MON1A: variants seen among roughly 807,000 people sequenced by gnomAD.
MON1A encodes MON1 vesicular trafficking associated A.
MON1A carries 29 observed loss-of-function variants against 44.6 expected under a neutral mutation model. The ratio of observed to expected loss-of-function variants is 0.65; its 90% confidence interval spans 0.48 to 0.89. The LOEUF is 0.89. Ranked by LOEUF, MON1A falls within the 40% of genes least tolerant of loss-of-function variation. MON1A has a pLI of 0.00. For missense variants in MON1A, 615 were observed against 759.6 expected (o/e 0.81, Z 2.24); for synonymous variants, 275 against 316.4 (o/e 0.87, Z 1.39).
rs968481057 is a variant in MON1A at position 49,909,476 on chromosome 3, A to C, written c.1380-76T>G. On this transcript the variant is annotated intron_variant, in intron 4 of 5. Coordinates refer to ENST00000296473, the MANE Select transcript of MON1A (RefSeq NM_032355.4). This position sits in a 1 kb window ranked among gnomAD's most constrained non-coding sequence, Gnocchi z 4.0. ...CTTCTCTAGAGATTTAGAAACACCT[A>C]TTCCTATCCAGGAAGACTCTATCTT... The C allele has an allele frequency of 9.6e-6, 15 of 1,568,198 alleles. No homozygotes were observed. Among genetic ancestry groups the C allele is most frequent in the Non-Finnish European group, 1.3e-5 (15 of 1,151,180 alleles).
At position 49,911,515 on chromosome 3, in the gene MON1A, AGGTGGCTCACCTGCATGGAT is replaced by A; in HGVS notation, c.604_613+10del. The A allele has an allele frequency of 1.3e-6, 2 of 1,598,144 alleles. No homozygotes were observed. Among genetic ancestry groups the A allele is most frequent in the Non-Finnish European group, 1.7e-6 (2 of 1,170,432 alleles). ...GGGGAGCCCGCCCCATTCCCTCTCC[AGGTGGCTCACCTGCATGGAT>A]GGAGCGGATGGCGTTCTTGTCTGCC... On this transcript the variant is annotated splice_donor_variant and splice_donor_5th_base_variant and coding_sequence_variant and intron_variant, in exon 3 of 6. Coordinates refer to ENST00000296473, the MANE Select transcript of MON1A (RefSeq NM_032355.4). LOFTEE classifies it high-confidence loss of function. The surrounding 1 kb of genome is among the most constrained non-coding windows in gnomAD (Gnocchi z 5.7).
At chr3:49,914,143 T>C (rs1298022393) in intron 1 of MON1A, among the ~76,000 whole-genome samples, 2 of 149,706 alleles carry the variant, frequency 1.3e-5, no homozygotes, top group Non-Finnish European at 1.5e-5. Context: ...CTGGCTGGAG[T>C]GCAATGGCGT....
At chr3:49,928,002 C>T (rs1410120378) in intron 1 of MON1A, among the ~76,000 whole-genome samples, 6 of 152,184 alleles carry the variant, frequency 3.9e-5, no homozygotes, top group Non-Finnish European at 1.5e-5. Context: ...ACAAGGTCTA[C>T]AATAGCTTAC....
At chr3:49,915,635 C>T (rs1390016461) in intron 1 of MON1A, among the ~76,000 whole-genome samples, 1 of 152,244 alleles carries the variant, frequency 6.6e-6, no homozygotes, top group Non-Finnish European at 1.5e-5. Context: ...ACACAGGCAA[C>T]AGGCTTGTCT....
chr3:49,917,255 C>T (rs982728609), intron 1 of MON1A, among the ~76,000 whole-genome samples: 3 of 152,318 alleles, frequency 2.0e-5, no homozygotes, highest in South Asian at 2.1e-4. Flanking sequence ...AGCCAGCACC[C>T]GGCCTGGAAT....
In MON1A at chr3:49,911,845, G is replaced by A; in HGVS notation, c.294C>T (p.Ser98=). ...RQISQDFSEL[S]TQLTGVARDL... is the part of the protein sequence containing the mutation. ...CCCGGGCCACACCCGTCAGCTGGGT[G>A]CTTAGCTCGCTAAAGTCCTGGCTGA... The change falls in exon 3 of 6, where the codon AGC becomes AGT. Residue 98 remains serine, a synonymous_variant. Coordinates refer to ENST00000296473, the MANE Select transcript of MON1A (RefSeq NM_032355.4). The surrounding 1 kb of genome is among the most constrained non-coding windows in gnomAD (Gnocchi z 5.7). 1 of 1,614,102 alleles carries A rather than the reference G, an allele frequency of 6.2e-7. No homozygotes were observed. The highest frequency in any genetic ancestry group is 8.5e-7 in the Non-Finnish European group (1 of 1,180,006).
At position 49,909,972 on chromosome 3, in the gene MON1A, G is replaced by T; in HGVS notation, c.1379+147C>A. On this transcript the variant is annotated intron_variant, in intron 4 of 5. Coordinates refer to ENST00000296473, the MANE Select transcript of MON1A (RefSeq NM_032355.4). The surrounding 1 kb of genome is among the most constrained non-coding windows in gnomAD (Gnocchi z 4.0). ...GTGATGGAGAGTCTGGGTCTCTGGT[G>T]CCAGAGTAAAACAGGCCCAGCACAC... is the stretch of plus-strand genomic sequence containing the variant. The T allele has an allele frequency of 2.3e-6, 2 of 868,846 alleles. No individual in the cohort carries two copies. Among genetic ancestry groups the T allele is most frequent in the Non-Finnish European group, 3.6e-6 (2 of 551,856 alleles). The allele number at this position is 868,846 out of a possible 1,614,324, so 53.8% of individuals were successfully genotyped here.
chr3:49,912,132 C>T (rs1383069840), intron 2 of MON1A, 121 bp from the exon 3 acceptor site: 1 of 1,219,190 alleles, frequency 8.2e-7, no homozygotes, highest in Non-Finnish European at 1.1e-6. Flanking sequence ...AGCCACTGTT[C>T]CCTTCTGCCA....
In MON1A at chr3:49,929,748, C is replaced by T. The variant is rs1439475431; in HGVS notation, c.-153G>A. 1 of 1,549,804 alleles carries T rather than the reference C, an allele frequency of 6.5e-7. No individual in the cohort carries two copies. The highest frequency in any genetic ancestry group is 8.7e-7 in the Non-Finnish European group (1 of 1,146,730). On this transcript the variant is annotated 5_prime_UTR_variant, in exon 1 of 6. An upstream start codon of the reference 5' UTR is lost. Coordinates refer to ENST00000296473, the MANE Select transcript of MON1A (RefSeq NM_032355.4). ...GGCCCCGGCCCCCTGCGTACACAGACATGGCCACAGCGCAGGCACCGCTCC... is the reference window on the plus strand; with the variant it reads ...GGCCCCGGCCCCCTGCGTACACAGATATGGCCACAGCGCAGGCACCGCTCC...
intron 1 of MON1A, among the ~76,000 whole-genome samples, chr3:49,917,335 G>T (rs983085795): frequency 1.3e-5 from 2 of 151,838 alleles, no homozygotes; most frequent in Admixed American, 6.6e-5. Flanking sequence ...GCCCAGGCTG[G>T]AGTGCAGTGG....
intron 1 of MON1A, among the ~76,000 whole-genome samples, chr3:49,918,257 T>C (rs930907205): frequency 2.0e-5 from 3 of 151,074 alleles, no homozygotes; most frequent in African/African-American, 7.3e-5. Context: ...GAATTGCTTG[T>C]ACCTGGGAGG....
In MON1A at chr3:49,910,864, C is replaced by G. The variant is rs148539732; in HGVS notation, c.634G>C (p.Val212Leu). The change falls in exon 4 of 6, where the codon GTG becomes CTG. Residue 212 changes from valine (V) to leucine (L), a missense_variant. Val to Leu is a conservative substitution (Grantham distance 32, BLOSUM62 1). Coordinates refer to ENST00000296473, the MANE Select transcript of MON1A (RefSeq NM_032355.4). This position sits in a 1 kb window ranked among gnomAD's most constrained non-coding sequence, Gnocchi z 8.0. ...IHADGYKVVFVRRSPLVLVAV... is the reference protein window; with the variant it reads ...IHADGYKVVFLRRSPLVLVAV... ...ACTAGCACCAGCGGGCTCCGGCGCA[C>G]GAATACTACCTTGTAGCCATCTGAG... is the stretch of plus-strand genomic sequence containing the variant. 4.3e-6 allele frequency: 7 copies of G among 1,609,926 alleles called. No homozygotes were observed. In the African/African-American group the frequency reaches 9.4e-5, roughly 22 times the overall value.
At position 49,909,446 on chromosome 3, in the gene MON1A, A is replaced by C; in HGVS notation, c.1380-46T>G. 6.2e-7 allele frequency: 1 copy of C among 1,610,060 alleles called. No individual in the cohort carries two copies. The highest frequency in any genetic ancestry group is 2.2e-5 in the East Asian group (1 of 44,842). ...GTGGGTTTGCAAAGGAATGACTTCCACTGTCTTCTCTAGAGATTTAGAAAC... is the reference window on the plus strand; with the variant it reads ...GTGGGTTTGCAAAGGAATGACTTCCCCTGTCTTCTCTAGAGATTTAGAAAC... On this transcript the variant is annotated intron_variant, in intron 4 of 5. Coordinates refer to ENST00000296473, the MANE Select transcript of MON1A (RefSeq NM_032355.4). This position sits in a 1 kb window ranked among gnomAD's most constrained non-coding sequence, Gnocchi z 4.0.
intron 1 of MON1A, among the ~76,000 whole-genome samples, chr3:49,926,589 T>G (rs1161003303): frequency 1.3e-5 from 2 of 152,090 alleles, no homozygotes; most frequent in African/African-American, 4.8e-5. Context: ...CCTGAGTACC[T>G]GAGACTACAG....
chr3:49,929,359 A>G, intron 1 of MON1A: 1 of 563,462 alleles, frequency 1.8e-6, no homozygotes, highest in Non-Finnish European at 3.1e-6. Flanking sequence ...GGGAGTGGGG[A>G]GAGTCCTACC....
Position 49,913,339 on chromosome 3 carries a change from G to T in MON1A, c.8C>A (p.Thr3Asn), listed in dbSNP as rs772365836. The T allele has an allele frequency of 8.7e-6, 14 of 1,611,972 alleles. No homozygotes were observed. Among genetic ancestry groups the T allele is most frequent in the Non-Finnish European group, 1.1e-5 (13 of 1,178,192 alleles). Residue 3 changes from threonine (T) to asparagine (N), a missense_variant, in exon 2 of 6, where the codon ACT becomes AAT. By Grantham distance (65) the Thr-to-Asn change is moderately conservative. Coordinates refer to ENST00000296473, the MANE Select transcript of MON1A (RefSeq NM_032355.4). ...GCTGCTTCTCTTCCTCTGCATGTCAGTAGCCATCCTTTGAGCTCTCCTGTG... is the reference window on the plus strand; with the variant it reads ...GCTGCTTCTCTTCCTCTGCATGTCATTAGCCATCCTTTGAGCTCTCCTGTG... MA[T>N]DMQRKRSSEC...
At chr3:49,925,390 C>T (rs1575481068) in intron 1 of MON1A, among the ~76,000 whole-genome samples, 1 of 152,206 alleles carries the variant, frequency 6.6e-6, no homozygotes, top group East Asian at 1.9e-4. Context: ...ACTGGGATTA[C>T]AGGTGTGAGC....
intron 1 of MON1A, among the ~76,000 whole-genome samples, chr3:49,919,466 G>A (rs969416659): frequency 3.9e-5 from 6 of 152,054 alleles, no homozygotes; most frequent in African/African-American, 1.4e-4. Flanking sequence ...AATGCTACAG[G>A]TTTTACACCC....
chr3:49,923,575 T>C (rs1216933294), intron 1 of MON1A, among the ~76,000 whole-genome samples: 1 of 148,562 alleles, frequency 6.7e-6, no homozygotes, highest in Admixed American at 6.7e-5. Flanking sequence ...TGCCTCAGCC[T>C]CCCGAGTAGC....
Sources: gnomAD v4.1 joint callset for allele counts (sites outside exome capture counted in the v4.1 genomes callset) on GRCh38, gnomAD v4.1.1 for gene constraint, Gnocchi (gnomAD v3.1) non-coding constraint, MANE v1.5 for transcripts, NCBI Gene and HGNC (gene_info 2026-07-23, HGNC 2026-07-21) for gene names.